Variants in ATRN observed in about 807,000 individuals in gnomAD.
ATRN encodes attractin, also known as attractin-2.
In ATRN, 54 loss-of-function variants were observed where a neutral mutation model predicts 178.7. The ratio of observed to expected loss-of-function variants is 0.30; its 90% CI spans 0.24 to 0.38. The LOEUF is 0.38. Among genes scored for constraint, ATRN ranks in the 10% least tolerant of loss-of-function variants. ATRN has a pLI of 1.00. For synonymous variants in ATRN, 636 were observed against 663.0 expected, an observed-to-expected ratio of 0.96 and a Z score of 0.63; for missense variants, 1,443 against 1,815.1, an observed-to-expected ratio of 0.79 and a Z score of 3.73.
At chr20:3,498,102 G>C (rs1246794312) in intron 1 of ATRN, among the ~76,000 whole-genome samples, 1 of 152,080 alleles carries the variant, frequency 6.6e-6, no homozygotes, top group Non-Finnish European at 1.5e-5. Flanking sequence ...TAAATTCCTC[G>C]ACACATACAC....
intron 1 of ATRN, among the ~76,000 whole-genome samples, chr20:3,477,986 GT>G (rs2084553683): frequency 6.6e-6 from 1 of 151,880 alleles, no homozygotes; most frequent in Non-Finnish European, 1.5e-5. Context: ...TTCCTTATTT[GT>G]TTTAGCTAAA....
intron 13 of ATRN, among the ~76,000 whole-genome samples, chr20:3,576,452 CT>C (rs368774649): frequency 1.3e-4 from 19 of 148,606 alleles, no homozygotes; most frequent in South Asian, 2.1e-4. Context: ...GCTTACAAGA[CT>C]TTTTTTTTTG....
chr20:3,646,602 CT>C, intron 28 of ATRN, 120 bp from the exon 29 acceptor site: 1 of 1,363,786 alleles, frequency 7.3e-7, no homozygotes, highest in Non-Finnish European at 9.7e-7. Context: ...GTTTTTTGTT[CT>C]GGTTTTTTGG....
chr20:3,500,336 A>G (rs1600038784), intron 1 of ATRN, among the ~76,000 whole-genome samples: 1 of 152,208 alleles, frequency 6.6e-6, no homozygotes, highest in East Asian at 1.9e-4. Context: ...ATTACTGGGT[A>G]TATACCCAAA....
rs1418795099 is a variant in ATRN, at chr20:3,648,974, A to T, written c.*2127A>T. On this transcript the variant is annotated 3_prime_UTR_variant, in exon 29 of 29. Transcript: ENST00000262919. ...TGTTAGTCCTATGCCTTGAAATATC[A>T]TGCACCATGACCCACAGCCATCTGG... 1 of 152,224 alleles carries T rather than the reference A, an allele frequency of 6.6e-6. No individual in the cohort carries two copies. The highest frequency in any genetic ancestry group is 2.4e-5 in the African/African-American group (1 of 41,454). The allele number at this position is 152,224 out of a possible 1,614,324, so 9.4% of individuals were successfully genotyped here.
chr20:3,592,478 A>G, intron 19 of ATRN: 1 of 984,984 alleles, frequency 1.0e-6, no homozygotes, highest in Non-Finnish European at 1.2e-6. Flanking sequence ...GCAATAGGAC[A>G]TTTTATTATG....
intron 1 of ATRN, among the ~76,000 whole-genome samples, chr20:3,516,224 C>A (rs745869485): frequency 6.6e-6 from 1 of 152,194 alleles, no homozygotes; most frequent in Non-Finnish European, 1.5e-5. Flanking sequence ...GATTGACCCA[C>A]AGTGCGGAGA....
chr20:3,511,768 C>A (rs1000373719), intron 1 of ATRN, among the ~76,000 whole-genome samples: 7 of 152,048 alleles, frequency 4.6e-5, no homozygotes, highest in Non-Finnish European at 8.8e-5. Context: ...AAAAATCACA[C>A]GTAGCTTATT....
At position 3,524,395 on chromosome 20, in the gene ATRN, GA is replaced by G. The variant is rs1321512885; in HGVS notation, c.411-10857del. On this transcript the variant is annotated intron_variant, in intron 1 of 28. Coordinates refer to ENST00000262919, the MANE Select transcript of ATRN (RefSeq NM_139321.3). ...CTAAATATATATGCACCCAATACAG[GA>G]GCACCCAGATTCGTAAAGCAAGTCT... Among the ~76,000 whole-genome samples, 3 of 152,174 alleles carry G rather than the reference GA, an allele frequency of 2.0e-5. No individual in the cohort carries two copies. In the South Asian group the frequency reaches 6.2e-4, roughly 32 times the overall value.
chr20:3,565,022 A>G (rs1360786086), intron 10 of ATRN, among the ~76,000 whole-genome samples: 1 of 152,070 alleles, frequency 6.6e-6, no homozygotes, highest in Non-Finnish European at 1.5e-5. Flanking sequence ...CTGAGATCAC[A>G]CCACTGCACT....
Position 3,645,058 on chromosome 20 carries a change from T to C in ATRN, c.4165+790T>C, listed in dbSNP as rs73893059. ...ACTTCTATTTTGAAGACAGAAAATATGGAATACAGTTTTGAAAGTATCTCG... is the reference window on the plus strand; with the variant it reads ...ACTTCTATTTTGAAGACAGAAAATACGGAATACAGTTTTGAAAGTATCTCG... On this transcript the variant is annotated intron_variant, in intron 28 of 28. Transcript: ENST00000262919. The surrounding 1 kb of genome is among the most constrained non-coding windows in gnomAD (Gnocchi z 4.7). Among the ~76,000 whole-genome samples the C allele has an allele frequency of 7.0e-3, 1,063 of 152,368 alleles. 10 individuals carry two copies. The highest frequency in any genetic ancestry group is 0.024 in the African/African-American group (987 of 41,578).
intron 1 of ATRN, among the ~76,000 whole-genome samples, chr20:3,509,765 A>G (rs2085099868): frequency 6.6e-6 from 1 of 152,152 alleles, no homozygotes; most frequent in Non-Finnish European, 1.5e-5. Flanking sequence ...TGGCCTCCCA[A>G]AGTGCTGAGA....
intron 25 of ATRN, among the ~76,000 whole-genome samples, chr20:3,631,182 T>C (rs2086987264): frequency 6.6e-6 from 1 of 151,988 alleles, no homozygotes; most frequent in East Asian, 1.9e-4. Context: ...ACTTCTGGCC[T>C]CAAGCAGTCC....
chr20:3,506,716 A>G (rs1051050829), intron 1 of ATRN, among the ~76,000 whole-genome samples: 1 of 152,114 alleles, frequency 6.6e-6, no homozygotes, highest in Non-Finnish European at 1.5e-5. Flanking sequence ...ACACACACAC[A>G]CACATACACA....
At chr20:3,577,164 T>C (rs1282508268) in intron 14 of ATRN, among the ~76,000 whole-genome samples, 167 bp downstream of exon 14, 1 of 152,202 alleles carries the variant, frequency 6.6e-6, no homozygotes, top group Non-Finnish European at 1.5e-5. Flanking sequence ...AAAATACAGT[T>C]CTTAAGTATT....
intron 24 of ATRN, among the ~76,000 whole-genome samples, chr20:3,618,088 G>T (rs986270370): frequency 1.3e-5 from 2 of 152,202 alleles, no homozygotes; most frequent in Non-Finnish European, 2.9e-5. Flanking sequence ...TTGTAGCTGT[G>T]TGTGGGTAAC....
In ATRN at chr20:3,648,228, A is replaced by G. The variant is rs1568781727; in HGVS notation, c.*1381A>G. 1 of 125,856 alleles carries G rather than the reference A, an allele frequency of 7.9e-6. No individual in the cohort carries two copies. Among genetic ancestry groups the G allele is most frequent in the African/African-American group, 3.0e-5 (1 of 33,254 alleles). The allele number at this position is 125,856 out of a possible 1,614,324, so 7.8% of individuals were successfully genotyped here. A position where few individuals can be genotyped will look rare whatever the true frequency, so the allele number is the denominator to read the frequency against. On this transcript the variant is annotated 3_prime_UTR_variant, in exon 29 of 29. Coordinates refer to ENST00000262919, the MANE Select transcript of ATRN (RefSeq NM_139321.3). ...CCAAGGTGGTGGCTGTGAGGAGGGCAGCAAATGCTGACAAGGATGAAAAGC... is the reference window on the plus strand; with the variant it reads ...CCAAGGTGGTGGCTGTGAGGAGGGCGGCAAATGCTGACAAGGATGAAAAGC...
intron 2 of ATRN, among the ~76,000 whole-genome samples, chr20:3,537,312 T>A (rs531865258): frequency 1.3e-5 from 2 of 152,160 alleles, no homozygotes; most frequent in Non-Finnish European, 2.9e-5. Flanking sequence ...CTGCCAGATA[T>A]CCAACTCTGA....
chr20:3,487,803 C>T (rs56186232), intron 1 of ATRN, among the ~76,000 whole-genome samples: 22,669 of 152,088 alleles, frequency 0.15, 2,138 homozygotes, highest in Non-Finnish European at 0.21. Context: ...GTGTGGGACT[C>T]GTTATGAAGT....
Sources: gnomAD v4.1 joint callset for allele counts (sites outside exome capture counted in the v4.1 genomes callset) on GRCh38, gnomAD v4.1.1 for gene constraint, Gnocchi (gnomAD v3.1) non-coding constraint, MANE v1.5 for transcripts, NCBI Gene and HGNC (gene_info 2026-07-23, HGNC 2026-07-21) for gene names.